Variants in HOMER2 observed in about 807,000 individuals in gnomAD.
HOMER2 encodes homer scaffold protein 2, also known as homer protein homolog 2.
In HOMER2, 27 loss-of-function variants were observed where a neutral mutation model predicts 47.0. That is an observed-to-expected ratio of 0.57 (90% CI 0.42 to 0.79). The LOEUF (loss-of-function observed/expected upper bound fraction) is 0.79, where lower values mean the gene tolerates loss of function less well. HOMER2 is among the 30% of genes least tolerant of loss of function. The pLI, the probability that HOMER2 is intolerant of heterozygous loss-of-function variation, is 0.00. For missense variants in HOMER2, 443 were observed against 435.0 expected (o/e 1.02, Z -0.16); for synonymous variants, 161 against 163.8 (o/e 0.98, Z 0.13).
In HOMER2 at chr15:82,952,469, G is replaced by C. The variant is rs148675911; in HGVS notation, c.5+62C>G. 8.0e-3 allele frequency: 8,924 copies of C among 1,118,750 alleles called. 414 individuals are homozygous for C. In the African/African-American group the frequency reaches 0.12, roughly 15 times the overall value. 69.3% of individuals were successfully genotyped at this position (1,118,750 alleles called of 1,614,324 possible). A position where few individuals can be genotyped will look rare whatever the true frequency, so the allele number is the denominator to read the frequency against. On this transcript the variant is annotated intron_variant, in intron 1 of 8. Coordinates refer to ENST00000450735, the MANE Select transcript of HOMER2 (RefSeq NM_004839.4). ...GGAGGCTCCGAGCCCGGTTACGCCA[G>C]CCGCGGCCCCGCAGTCCCTCCGGAG... is the stretch of plus-strand genomic sequence containing the variant.
At chr15:82,854,299 G>A (rs929468913) in intron 6 of HOMER2, among the ~76,000 whole-genome samples, 2 of 152,064 alleles carry the variant, frequency 1.3e-5, no homozygotes, top group South Asian at 2.1e-4. Context: ...CAGCTACTTC[G>A]GAGGCTGAGG....
intron 1 of HOMER2, among the ~76,000 whole-genome samples, chr15:82,972,947 G>T (rs979452483): frequency 6.6e-6 from 1 of 152,134 alleles, no homozygotes; most frequent in African/African-American, 2.4e-5. Flanking sequence ...CATTAAATTC[G>T]GAGTATACCT....
chr15:82,981,134 G>A (rs1053773060), intron 1 of HOMER2, among the ~76,000 whole-genome samples: 1 of 152,148 alleles, frequency 6.6e-6, no homozygotes, highest in African/African-American at 2.4e-5. Context: ...AGGATGCACT[G>A]GCCAAAGACA....
At chr15:82,853,961 G>C (rs1407737899) in intron 6 of HOMER2, among the ~76,000 whole-genome samples, 1 of 152,162 alleles carries the variant, frequency 6.6e-6, no homozygotes, top group Admixed American at 6.5e-5. Flanking sequence ...TCCCAAGTCT[G>C]TTTCTCACCT....
At chr15:82,899,753 T>C (rs915150705) in intron 1 of HOMER2, among the ~76,000 whole-genome samples, 7 of 152,274 alleles carry the variant, frequency 4.6e-5, no homozygotes, top group Admixed American at 6.5e-5. Flanking sequence ...CCAGGCAAGG[T>C]GTTTCATGCC....
chr15:82,972,911 C>G (rs1723427301), intron 1 of HOMER2, among the ~76,000 whole-genome samples: 2 of 152,180 alleles, frequency 1.3e-5, no homozygotes, highest in Admixed American at 1.3e-4. Context: ...TGGTGGACAT[C>G]TTACTCTCTG....
chr15:82,915,144 A>C (rs947027086), intron 1 of HOMER2, among the ~76,000 whole-genome samples: 2 of 119,924 alleles, frequency 1.7e-5, no homozygotes, highest in African/African-American at 8.0e-5. Context: ...TTTTTAATTG[A>C]AAAAAAAAAA....
intron 1 of HOMER2, among the ~76,000 whole-genome samples, chr15:82,984,906 T>C (rs568210271): frequency 1.3e-5 from 2 of 152,288 alleles, no homozygotes; most frequent in South Asian, 4.1e-4. Flanking sequence ...GTTTACAGTT[T>C]AATAGGGGGA....
intron 1 of HOMER2, among the ~76,000 whole-genome samples, chr15:82,934,872 C>T (rs1256524839): frequency 6.6e-6 from 1 of 152,226 alleles, no homozygotes; most frequent in Non-Finnish European, 1.5e-5. Context: ...TTCACATCAC[C>T]TTCTCCTCCA....
chr15:82,926,782 T>C (rs981312234), intron 1 of HOMER2, among the ~76,000 whole-genome samples: 4 of 152,220 alleles, frequency 2.6e-5, no homozygotes, highest in African/African-American at 4.8e-5. Context: ...TTCACCCTCA[T>C]GGGGAGGATT....
chr15:82,882,729 G>A (rs965010803), intron 2 of HOMER2, among the ~76,000 whole-genome samples: 4 of 152,148 alleles, frequency 2.6e-5, no homozygotes, highest in African/African-American at 9.7e-5. Context: ...AGCTGGCTGT[G>A]CCTGGCATGG....
At chr15:82,960,528 T>C (rs974712163) in intron 1 of HOMER2, among the ~76,000 whole-genome samples, 2 of 152,214 alleles carry the variant, frequency 1.3e-5, no homozygotes, top group African/African-American at 2.4e-5. Context: ...CCCTTCAGCA[T>C]GATTTCACTG....
chr15:82,920,413 C>T (rs1445321099), intron 1 of HOMER2, among the ~76,000 whole-genome samples: 1 of 152,174 alleles, frequency 6.6e-6, no homozygotes, highest in Non-Finnish European at 1.5e-5. Context: ...GGCAGAAATC[C>T]GCAGTCAGTT....
chr15:82,859,183 T>C (rs375320021), intron 4 of HOMER2, 48 bp from the exon 5 acceptor site: 172 of 1,613,432 alleles, frequency 1.1e-4, no homozygotes, highest in Non-Finnish European at 1.3e-4. Flanking sequence ...CCAAAGTGAA[T>C]TATCTTCACA....
intron 1 of HOMER2, among the ~76,000 whole-genome samples, chr15:82,917,492 G>T (rs545698530): frequency 2.0e-5 from 3 of 152,192 alleles, no homozygotes; most frequent in Non-Finnish European, 4.4e-5. Context: ...CCTTTCCTTC[G>T]CACCCAAGGA....
At chr15:82,859,258 G>GA (rs2151622165) in intron 4 of HOMER2, 123 bp from the exon 5 acceptor site, 1 of 1,380,700 alleles carries the variant, frequency 7.2e-7, no homozygotes, top group African/African-American at 1.4e-5. Flanking sequence ...GAGTGTGGAC[G>GA]AACCAACTCA....
chr15:82,878,281 AC>A (rs996036535), intron 2 of HOMER2, among the ~76,000 whole-genome samples: 1 of 151,994 alleles, frequency 6.6e-6, no homozygotes, highest in Non-Finnish European at 1.5e-5. Flanking sequence ...CAATGGTGAT[AC>A]CCCCTGCTAT....
intron 1 of HOMER2, among the ~76,000 whole-genome samples, chr15:82,934,618 T>C (rs936431908): frequency 3.3e-5 from 5 of 152,082 alleles, no homozygotes; most frequent in African/African-American, 1.2e-4. Flanking sequence ...CCCATGTCCA[T>C]CCCATGGTCT....
intron 1 of HOMER2, among the ~76,000 whole-genome samples, chr15:82,974,328 C>T (rs1019059193): frequency 6.6e-6 from 1 of 151,584 alleles, no homozygotes; most frequent in Non-Finnish European, 1.5e-5. Flanking sequence ...AGCTTGAACC[C>T]GGGAGGTGGA....
Sources: gnomAD v4.1 joint callset for allele counts (sites outside exome capture counted in the v4.1 genomes callset) on GRCh38, gnomAD v4.1.1 for gene constraint, MANE v1.5 for transcripts, NCBI Gene and HGNC (gene_info 2026-07-23, HGNC 2026-07-21) for gene names.